PNPT1: variants seen among roughly 807,000 people sequenced by gnomAD.
PNPT1 encodes the protein polyribonucleotide nucleotidyltransferase 1.
PNPT1 carries 53 observed loss-of-function variants against 119.5 expected under a neutral mutation model. The ratio of observed to expected loss-of-function variants is 0.44; its 90% CI spans 0.36 to 0.56. PNPT1 has a LOEUF of 0.56. Ranked by LOEUF, PNPT1 falls within the 20% of genes least tolerant of loss-of-function variation. PNPT1 has a pLI of 0.00. For synonymous variants in PNPT1, 357 were observed against 322.1 expected (o/e 1.11, Z -1.16); for missense variants, 948 against 938.5 (o/e 1.01, Z -0.13).
intron 18 of PNPT1, among the ~76,000 whole-genome samples, chr2:55,649,785 A>G (rs185693605): frequency 9.2e-5 from 14 of 152,358 alleles, no homozygotes; most frequent in Non-Finnish European, 1.5e-5. Flanking sequence ...TCCTATTCCT[A>G]GAGAGTCAGT....
intron 18 of PNPT1, among the ~76,000 whole-genome samples, chr2:55,654,016 T>G (rs1696298967): frequency 6.6e-6 from 1 of 152,108 alleles, no homozygotes; most frequent in South Asian, 2.1e-4. Flanking sequence ...CCCAGCACTT[T>G]GGGAGGGCAA....
chr2:55,650,536 C>G (rs1696143009), intron 18 of PNPT1, among the ~76,000 whole-genome samples: 1 of 152,212 alleles, frequency 6.6e-6, no homozygotes, highest in Middle Eastern at 3.4e-3. Context: ...CCCAAAGTGC[C>G]GAGATTGCAG....
chr2:55,693,551 G>A (rs1697690103), intron 1 of PNPT1, 112 bp downstream of exon 1: 8 of 1,453,360 alleles, frequency 5.5e-6, no homozygotes, highest in Non-Finnish European at 6.6e-6. Context: ...TTAGGGTAAG[G>A]AGAGATTAAA....
At chr2:55,684,657 T>C (rs1292156896) in intron 4 of PNPT1, among the ~76,000 whole-genome samples, 1 of 152,252 alleles carries the variant, frequency 6.6e-6, no homozygotes. Flanking sequence ...GCCAAAAAAT[T>C]CATATGCTCA....
chr2:55,637,562 T>C lies in PNPT1; in HGVS notation c.2186A>G (p.Gln729Arg). ...GTGGAATACAAATACCTGAATTTCT[T>C]GGCCAACTTCTAATCCTAGGGCAGT... Reference protein sequence around the residue: ...HPTALGLEVGQEIQVKYFGRD... With the variant: ...HPTALGLEVGREIQVKYFGRD... Residue 729 changes from glutamine (Q) to arginine (R), a missense_variant, in exon 27 of 28, where the codon CAA becomes CGA. Gln to Arg is a conservative substitution (Grantham distance 43). Coordinates refer to ENST00000447944, the MANE Select transcript of PNPT1 (RefSeq NM_033109.5). The C allele has an allele frequency of 6.2e-7, 1 of 1,604,526 alleles. No individual in the cohort carries two copies. The highest frequency in any genetic ancestry group is 8.5e-7 in the Non-Finnish European group (1 of 1,171,318).
chr2:55,687,527 A>T (rs999519423), intron 2 of PNPT1, 118 bp downstream of exon 2: 8 of 709,984 alleles, frequency 1.1e-5, no homozygotes, highest in Admixed American at 2.8e-5. Flanking sequence ...TCTTAGTAGT[A>T]TCTGAATTAA....
chr2:55,654,088 C>A (rs1342486152), intron 18 of PNPT1, among the ~76,000 whole-genome samples: 1 of 152,084 alleles, frequency 6.6e-6, no homozygotes, highest in Non-Finnish European at 1.5e-5. Context: ...GAAACCCCGT[C>A]TCGACTAAAA....
chr2:55,671,553 C>G (rs72807612), intron 10 of PNPT1, among the ~76,000 whole-genome samples, 177 bp from the exon 11 acceptor site: 3,546 of 152,260 alleles, frequency 0.023, 71 homozygotes, highest in South Asian at 0.1. Flanking sequence ...CATTCAAATA[C>G]ATTTGTACAC....
At chr2:55,691,867 TATATATA>T (rs1559116650) in intron 1 of PNPT1, among the ~76,000 whole-genome samples, 18 of 14,866 alleles carry the variant, frequency 1.2e-3, no homozygotes, top group East Asian at 3.6e-3. Context: ...TATATATATA[TATATATA>T]TATATTTTTT....
chr2:55,651,920 T>C (rs974844074), intron 18 of PNPT1, among the ~76,000 whole-genome samples: 4 of 131,900 alleles, frequency 3.0e-5, no homozygotes, highest in African/African-American at 1.1e-4. Context: ...ACCTTCAACA[T>C]ATGGTTCTAC....
At chr2:55,676,687 C>A (rs966911774) in intron 8 of PNPT1, among the ~76,000 whole-genome samples, 8 of 151,952 alleles carry the variant, frequency 5.3e-5, no homozygotes, top group African/African-American at 1.7e-4. Context: ...CATGGTGAAA[C>A]CCTGTCTCTA....
chr2:55,669,793 C>T (rs535718255), intron 11 of PNPT1, among the ~76,000 whole-genome samples: 1 of 146,094 alleles, frequency 6.8e-6, no homozygotes, highest in Non-Finnish European at 1.5e-5. Flanking sequence ...TGGAGTCTTG[C>T]TCTATTGCCC....
intron 18 of PNPT1, 69 bp downstream of exon 18, chr2:55,654,831 C>T: frequency 1.6e-6 from 2 of 1,289,090 alleles, no homozygotes; most frequent in South Asian, 1.4e-5. Flanking sequence ...CTGCCTTGGC[C>T]TCCCAAGGCT....
At chr2:55,686,264 T>G in intron 3 of PNPT1, 106 bp downstream of exon 3, 1 of 964,234 alleles carries the variant, frequency 1.0e-6, no homozygotes, top group Non-Finnish European at 1.5e-6. Context: ...AATTCTTTGT[T>G]GTGCAAGTTT....
intron 8 of PNPT1, among the ~76,000 whole-genome samples, chr2:55,677,080 A>G (rs1184204932): frequency 6.6e-6 from 1 of 152,216 alleles, no homozygotes; most frequent in African/African-American, 2.4e-5. Flanking sequence ...CTGCATGGAA[A>G]TAGTGATGCA....
In PNPT1 at chr2:55,636,454, T is replaced by C. The variant is rs113275808; in HGVS notation, c.2197-62A>G. 20,350 of 1,526,620 alleles carry C rather than the reference T, an allele frequency of 0.013. 216 individuals carry two copies. Among genetic ancestry groups the C allele is most frequent in the Non-Finnish European group, 0.014 (16,100 of 1,115,910 alleles). 94.6% of individuals were successfully genotyped at this position (1,526,620 alleles called of 1,614,324 possible). A position where few individuals can be genotyped will look rare whatever the true frequency, so the allele number is the denominator to read the frequency against. ...GCACATTGAGTGACATCTAAACTAATAGACATTTAAATTTACATGGTCCAA... is the reference window on the plus strand; with the variant it reads ...GCACATTGAGTGACATCTAAACTAACAGACATTTAAATTTACATGGTCCAA... On this transcript the variant is annotated intron_variant, in intron 27 of 27. Transcript: ENST00000447944.
intron 2 of PNPT1, 120 bp from the exon 3 acceptor site, chr2:55,686,564 C>A: frequency 1.2e-5 from 8 of 669,382 alleles, no homozygotes; most frequent in East Asian, 3.0e-5. Flanking sequence ...TTCTACGACA[C>A]GATTATGAAA....
rs1333150530 is a variant in PNPT1 at position 55,635,760 on chromosome 2, T to C, written c.*477A>G. The C allele has an allele frequency of 1.3e-5, 2 of 152,336 alleles. No individual in the cohort carries two copies. Among genetic ancestry groups the C allele is most frequent in the African/African-American group, 2.4e-5 (1 of 41,452 alleles). 9.4% of individuals were successfully genotyped at this position (152,336 alleles called of 1,614,324 possible). ...ATATCTGTTAACAGTTCTGAAGAAA[T>C]AGGCACTGGCTTTGAATATGGCCTG... On this transcript the variant is annotated 3_prime_UTR_variant, in exon 28 of 28. Transcript: ENST00000447944.
chr2:55,641,339 G>A (rs1347369049), intron 25 of PNPT1, among the ~76,000 whole-genome samples: 4 of 144,986 alleles, frequency 2.8e-5, no homozygotes, highest in Admixed American at 7.0e-5. Context: ...TGCCATCTGG[G>A]CTCACTGCAA....
Sources: gnomAD v4.1 joint callset for allele counts (sites outside exome capture counted in the v4.1 genomes callset) on GRCh38, gnomAD v4.1.1 for gene constraint, MANE v1.5 for transcripts, NCBI Gene and HGNC (gene_info 2026-07-23, HGNC 2026-07-21) for gene names.